The following SBF2 variants were observed in gnomAD, a reference collection of about 807,000 sequenced individuals.
SBF2 encodes the protein myotubularin-related protein 13.
Under a neutral mutation model 225.2 loss-of-function variants are expected in SBF2, and 112 were observed. The observed-to-expected ratio is 0.50, with a 90% confidence interval of 0.43 to 0.58. The LOEUF (loss-of-function observed/expected upper bound fraction) is 0.58, where lower values mean the gene tolerates loss of function less well. Among genes scored for constraint, SBF2 ranks in the 20% least tolerant of loss-of-function variants. SBF2 has a pLI of 0.00. For missense variants in SBF2, 1,996 were observed against 2,206.2 expected, an observed-to-expected ratio of 0.90 and a Z score of 1.91; for synonymous variants, 763 against 773.3, an observed-to-expected ratio of 0.99 and a Z score of 0.22.
chr11:10,189,764 A>C (rs2135316595), intron 2 of SBF2, among the ~76,000 whole-genome samples: 1 of 152,344 alleles, frequency 6.6e-6, no homozygotes, highest in Middle Eastern at 3.4e-3. Flanking sequence ...CATCTAACAA[A>C]AACCTTAGTA....
intron 16 of SBF2, among the ~76,000 whole-genome samples, chr11:9,935,554 C>G (rs1361781875): frequency 1.3e-5 from 2 of 152,192 alleles, no homozygotes; most frequent in African/African-American, 4.8e-5. Flanking sequence ...TGACTTCAAA[C>G]TATACTACAA....
chr11:10,218,075 T>C (rs1179841309), intron 1 of SBF2, among the ~76,000 whole-genome samples: 1 of 152,088 alleles, frequency 6.6e-6, no homozygotes, highest in East Asian at 1.9e-4. Flanking sequence ...GATTTTTGTA[T>C]TTTTAGTAGA....
intron 2 of SBF2, among the ~76,000 whole-genome samples, chr11:10,096,646 T>C (rs1353762318): frequency 6.6e-6 from 1 of 152,154 alleles, no homozygotes; most frequent in African/African-American, 2.4e-5. Flanking sequence ...CTGGAATAAA[T>C]ATTCACAAAA....
intron 2 of SBF2, among the ~76,000 whole-genome samples, chr11:10,193,416 A>G (rs917887713): frequency 7.2e-6 from 1 of 139,284 alleles, no homozygotes; most frequent in Non-Finnish European, 1.5e-5. Context: ...GCGCAGTGGC[A>G]CGATCTTGGC....
chr11:10,191,144 G>A (rs909162913), intron 2 of SBF2, among the ~76,000 whole-genome samples: 2 of 152,122 alleles, frequency 1.3e-5, no homozygotes, highest in African/African-American at 2.4e-5. Context: ...CCACCATTAT[G>A]GAAGGGGTAA....
At chr11:9,943,754 G>A (rs758076701) in intron 16 of SBF2, among the ~76,000 whole-genome samples, 4 of 152,140 alleles carry the variant, frequency 2.6e-5, no homozygotes, top group Non-Finnish European at 5.9e-5. Context: ...AGGATGTGAG[G>A]CAATAGAAAC....
intron 2 of SBF2, among the ~76,000 whole-genome samples, chr11:10,118,627 A>G (rs1050774114): frequency 1.3e-5 from 2 of 152,106 alleles, no homozygotes; most frequent in Non-Finnish European, 2.9e-5. Flanking sequence ...TCATGTGATA[A>G]TCAGATGTAA....
At chr11:10,273,453 A>G (rs1962703208) in intron 1 of SBF2, among the ~76,000 whole-genome samples, 1 of 152,276 alleles carries the variant, frequency 6.6e-6, no homozygotes, top group Non-Finnish European at 1.5e-5. Context: ...TTAAAAATAA[A>G]TATGAGCACA....
chr11:10,281,565 A>T (rs371300554), intron 1 of SBF2, among the ~76,000 whole-genome samples: 1 of 152,122 alleles, frequency 6.6e-6, no homozygotes, highest in East Asian at 1.9e-4. Context: ...TCTCTTCCAA[A>T]CTCTCCAAAC....
chr11:9,929,061 G>A (rs1864278152), intron 16 of SBF2: 1 of 430,150 alleles, frequency 2.3e-6, no homozygotes, highest in Admixed American at 2.6e-5. Flanking sequence ...CAAAGGAGAA[G>A]AGGAAGATGA....
chr11:9,876,146 C>T (rs1411773296), intron 17 of SBF2, among the ~76,000 whole-genome samples: 1 of 152,092 alleles, frequency 6.6e-6, no homozygotes, highest in Non-Finnish European at 1.5e-5. Context: ...TAGGTGTATC[C>T]CACAGTTGAA....
At chr11:10,097,036 G>A (rs980714909) in intron 2 of SBF2, among the ~76,000 whole-genome samples, 4 of 152,178 alleles carry the variant, frequency 2.6e-5, no homozygotes, top group African/African-American at 9.7e-5. Context: ...AAATTCATGT[G>A]TTAAAATTTT....
At chr11:10,173,092 T>A (rs868177640) in intron 2 of SBF2, among the ~76,000 whole-genome samples, 2 of 152,364 alleles carry the variant, frequency 1.3e-5, no homozygotes, top group Middle Eastern at 3.4e-3. Context: ...TCTATTGTGG[T>A]CAGAGAAGAT....
In SBF2 at chr11:10,096,858, A is replaced by AT. The variant is rs563428216; in HGVS notation, c.142-53878dup. On this transcript the variant is annotated intron_variant, in intron 2 of 39. Coordinates refer to ENST00000256190, the MANE Select transcript of SBF2 (RefSeq NM_030962.4). ...TTCCAAATTATAGTGCTAATCATTC[A>AT]TTTTTTTTCTGACACCACTACAGGC... Among the ~76,000 whole-genome samples the AT allele has an allele frequency of 1.1e-3, 168 of 152,024 alleles. 2 individuals are homozygous for AT. The highest frequency in any genetic ancestry group is 6.0e-3 in the South Asian group (29 of 4,820).
At chr11:9,919,501 C>T (rs1203565304) in intron 16 of SBF2, among the ~76,000 whole-genome samples, 1 of 151,720 alleles carries the variant, frequency 6.6e-6, no homozygotes, top group Non-Finnish European at 1.5e-5. Flanking sequence ...AGGGGGTGTG[C>T]GTGAGAGGGT....
intron 19 of SBF2, among the ~76,000 whole-genome samples, chr11:9,856,193 T>C (rs1857301647): frequency 6.6e-6 from 1 of 152,190 alleles, no homozygotes; most frequent in Non-Finnish European, 1.5e-5. Flanking sequence ...TGGCAGACAG[T>C]AACTGAAGGG....
chr11:10,092,619 C>T (rs1264257422), intron 2 of SBF2, among the ~76,000 whole-genome samples: 2 of 152,166 alleles, frequency 1.3e-5, no homozygotes, highest in African/African-American at 4.8e-5. Flanking sequence ...GAAATTAATT[C>T]TGGCAGATCT....
chr11:9,881,712 AG>A (rs1425969111), intron 17 of SBF2, among the ~76,000 whole-genome samples: 1 of 152,124 alleles, frequency 6.6e-6, no homozygotes, highest in Non-Finnish European at 1.5e-5. Flanking sequence ...GCTTTGGCCA[AG>A]TAGAGTCTCT....
At chr11:10,245,559 T>C (rs1224929155) in intron 1 of SBF2, among the ~76,000 whole-genome samples, 1 of 152,150 alleles carries the variant, frequency 6.6e-6, no homozygotes, top group African/African-American at 2.4e-5. Context: ...GACTATAAAT[T>C]GGTGCAGCCA....
Sources: allele counts gnomAD v4.1 joint callset (sites outside exome capture counted in the v4.1 genomes callset), GRCh38; gene constraint gnomAD v4.1.1; transcripts MANE v1.5; gene names NCBI Gene and HGNC (gene_info 2026-07-23, HGNC 2026-07-21).